Variants in CAMK2D observed in about 807,000 individuals in gnomAD.
CAMK2D encodes calcium/calmodulin-dependent protein kinase type II subunit delta.
Under a neutral mutation model 84.0 loss-of-function variants are expected in CAMK2D, and 37 were observed. That is an observed-to-expected ratio of 0.44 (90% CI 0.34 to 0.58). The LOEUF is 0.58. CAMK2D is among the 20% of genes least tolerant of loss of function. The pLI, the probability that CAMK2D is intolerant of heterozygous loss-of-function variation, is 0.02. For missense variants in CAMK2D, 448 were observed against 652.5 expected (o/e 0.69, Z 3.41); for synonymous variants, 202 against 212.5 (o/e 0.95, Z 0.43).
At chr4:113,657,158 C>A (rs900400409) in intron 3 of CAMK2D, among the ~76,000 whole-genome samples, 2 of 152,158 alleles carry the variant, frequency 1.3e-5, no homozygotes, top group South Asian at 4.1e-4. Context: ...AAGTTCAGTT[C>A]TTTCCTCAAT....
At chr4:113,468,141 A>G (rs1342237185) in intron 16 of CAMK2D, among the ~76,000 whole-genome samples, 1 of 152,160 alleles carries the variant, frequency 6.6e-6, no homozygotes, top group Non-Finnish European at 1.5e-5. Context: ...TCACAAGCAT[A>G]ATATGGAATT....
chr4:113,613,469 T>C (rs1042359228), intron 3 of CAMK2D, among the ~76,000 whole-genome samples: 2 of 152,088 alleles, frequency 1.3e-5, no homozygotes, highest in African/African-American at 2.4e-5. Context: ...AAAAAATTAT[T>C]ATGGTGACTA....
At chr4:113,747,319 TAA>T (rs1554093409) in intron 2 of CAMK2D, among the ~76,000 whole-genome samples, 8 of 147,254 alleles carry the variant, frequency 5.4e-5, no homozygotes, top group Non-Finnish European at 4.5e-5. Flanking sequence ...TTTTTTTTTT[TAA>T]ATTCAATAGG....
intron 16 of CAMK2D, among the ~76,000 whole-genome samples, chr4:113,496,430 T>C (rs578217421): frequency 5.9e-5 from 9 of 151,716 alleles, no homozygotes; most frequent in South Asian, 2.1e-4. Flanking sequence ...TTATGCTTTA[T>C]TGGGACTCCC....
chr4:113,601,230 T>A (rs1397922985), intron 4 of CAMK2D, among the ~76,000 whole-genome samples: 2 of 152,142 alleles, frequency 1.3e-5, no homozygotes, highest in Admixed American at 6.5e-5. Context: ...TGGAGCACCA[T>A]AATAGAGAGA....
intron 2 of CAMK2D, among the ~76,000 whole-genome samples, chr4:113,691,828 CCA>C (rs1347050402): frequency 4.6e-5 from 7 of 152,062 alleles, no homozygotes; most frequent in Non-Finnish European, 7.4e-5. Context: ...AATACATTTG[CCA>C]CACTATTTAA....
Position 113,663,518 on chromosome 4 carries a change from G to T in CAMK2D, c.161-1746C>A, listed in dbSNP as rs1240479960. On this transcript the variant is annotated intron_variant, in intron 2 of 20. Coordinates refer to ENST00000511664, the MANE Select transcript of CAMK2D (RefSeq NM_001321571.2). Reference sequence around the variant, plus strand: ...GCAGAAGAATCACTTGAACCCGGGAGATGGATGTTGCAGTGTGCTAAGAAC... The same window carrying T: ...GCAGAAGAATCACTTGAACCCGGGATATGGATGTTGCAGTGTGCTAAGAAC... Among the ~76,000 whole-genome samples the T allele has an allele frequency of 2.6e-5, 4 of 152,060 alleles. No individual in the cohort carries two copies. The East Asian group carries it at 7.7e-4, about 29-fold the overall frequency.
chr4:113,646,750 A>G (rs1334206811), intron 3 of CAMK2D, among the ~76,000 whole-genome samples: 1 of 152,232 alleles, frequency 6.6e-6, no homozygotes, highest in African/African-American at 2.4e-5. Flanking sequence ...AGGCCTTGCA[A>G]GCCTTGCATG....
At position 113,451,070 on chromosome 4, in the gene CAMK2D, T is replaced by C. The variant is rs1290098568; in HGVS notation, c.*3475A>G. The C allele has an allele frequency of 1.3e-5, 2 of 152,232 alleles. No individual in the cohort carries two copies. The highest frequency in any genetic ancestry group is 2.9e-5 in the Non-Finnish European group (2 of 68,038). The allele number at this position is 152,232 out of a possible 1,614,324, so 9.4% of individuals were successfully genotyped here. ...GTAGAATTTTATTCAATGAAATCAC[T>C]CGAAAGCTGTGTCATCTATGTTTAC... On this transcript the variant is annotated 3_prime_UTR_variant, in exon 21 of 21. Transcript: ENST00000511664.
intron 3 of CAMK2D, among the ~76,000 whole-genome samples, chr4:113,630,070 T>C (rs967885984): frequency 6.6e-6 from 1 of 152,202 alleles, no homozygotes; most frequent in Non-Finnish European, 1.5e-5. Flanking sequence ...TTTCTTCCTA[T>C]TCACATCTAA....
chr4:113,525,275 T>C (rs1037108362), intron 8 of CAMK2D, among the ~76,000 whole-genome samples: 1 of 152,138 alleles, frequency 6.6e-6, no homozygotes, highest in Non-Finnish European at 1.5e-5. Context: ...AGACAACACA[T>C]ATGTACATAG....
At chr4:113,621,985 T>C (rs551690569) in intron 3 of CAMK2D, among the ~76,000 whole-genome samples, 16 of 152,326 alleles carry the variant, frequency 1.1e-4, no homozygotes, top group African/African-American at 3.6e-4. Flanking sequence ...CAACAGTCTT[T>C]ATCCACTGAC....
intron 16 of CAMK2D, among the ~76,000 whole-genome samples, chr4:113,494,958 T>C (rs1327646186): frequency 2.0e-5 from 3 of 152,314 alleles, no homozygotes; most frequent in Non-Finnish European, 2.9e-5. Flanking sequence ...CCCTGACCCC[T>C]TGCGCTTCCC....
intron 2 of CAMK2D, among the ~76,000 whole-genome samples, chr4:113,699,574 C>T (rs1040730623): frequency 3.3e-5 from 5 of 152,116 alleles, no homozygotes; most frequent in Non-Finnish European, 5.9e-5. Flanking sequence ...AATCTATAAA[C>T]ATTTTCTGCC....
intron 16 of CAMK2D, among the ~76,000 whole-genome samples, chr4:113,478,430 T>C (rs1475875375): frequency 2.6e-5 from 4 of 152,210 alleles, no homozygotes; most frequent in Non-Finnish European, 5.9e-5. Context: ...TTATTAACTC[T>C]TCATATATTT....
At chr4:113,464,573 A>C (rs929781586) in intron 17 of CAMK2D, among the ~76,000 whole-genome samples, 2 of 152,122 alleles carry the variant, frequency 1.3e-5, no homozygotes, top group African/African-American at 4.8e-5. Flanking sequence ...TGCATGGTGT[A>C]AGGAGAAGGC....
At chr4:113,654,589 A>C (rs2099190540) in intron 3 of CAMK2D, among the ~76,000 whole-genome samples, 1 of 151,970 alleles carries the variant, frequency 6.6e-6, no homozygotes, top group Non-Finnish European at 1.5e-5. Context: ...ACAACCTCAA[A>C]ACTCTCCTCA....
intron 3 of CAMK2D, among the ~76,000 whole-genome samples, chr4:113,634,604 T>TA (rs1227191777): frequency 1.3e-5 from 2 of 152,174 alleles, no homozygotes; most frequent in Non-Finnish European, 2.9e-5. Context: ...AGAAATAAGA[T>TA]ACTCATTCAG....
At chr4:113,584,330 G>A (rs1006802892) in intron 4 of CAMK2D, among the ~76,000 whole-genome samples, 1 of 152,174 alleles carries the variant, frequency 6.6e-6, no homozygotes, top group African/African-American at 2.4e-5. Context: ...AGTCCAAACG[G>A]TTTCAAAGCC....
Sources: allele counts gnomAD v4.1 joint callset (sites outside exome capture counted in the v4.1 genomes callset), GRCh38; gene constraint gnomAD v4.1.1; transcripts MANE v1.5; gene names NCBI Gene and HGNC (gene_info 2026-07-23, HGNC 2026-07-21).